The following NEMP2 variants were observed in gnomAD, a reference collection of about 807,000 sequenced individuals.
NEMP2 encodes the protein UPF0571 transmembrane protein.
In NEMP2, 53 loss-of-function variants were observed where a neutral mutation model predicts 54.2. That is an observed-to-expected ratio of 0.98 (90% CI 0.78 to 1.23). The LOEUF (loss-of-function observed/expected upper bound fraction) is 1.23. Among genes scored for constraint, NEMP2 ranks in the 50% most tolerant of loss-of-function variants. The probability of loss-of-function intolerance (pLI) is 0.00; values close to 1 mark genes in which losing one functional copy is unlikely to be tolerated. For missense variants in NEMP2, 455 were observed against 511.3 expected (o/e 0.89, Z 1.06); for synonymous variants, 197 against 190.3 (o/e 1.04, Z -0.29).
the NEMP2 span, among the ~76,000 whole-genome samples, chr2:190,613,842 G>A: frequency 1.2e-4 from 18 of 151,806 alleles, no homozygotes; most frequent in Admixed American, 6.6e-5. Flanking sequence ...TGCCCGCCTC[G>A]GCCTCCTAAA....
At chr2:190,458,650 G>C in the NEMP2 span, among the ~76,000 whole-genome samples, 2 of 152,166 alleles carry the variant, frequency 1.3e-5, no homozygotes, top group Admixed American at 6.5e-5. This position sits in a 1 kb window ranked among gnomAD's most constrained non-coding sequence, Gnocchi z 5.3. Context: ...CGTTTCTAGA[G>C]ATATGGAACT....
the NEMP2 span, among the ~76,000 whole-genome samples, chr2:190,457,531 T>A: frequency 6.6e-6 from 1 of 152,196 alleles, no homozygotes; most frequent in Non-Finnish European, 1.5e-5. The surrounding 1 kb of genome is among the most constrained non-coding windows in gnomAD (Gnocchi z 5.1). Flanking sequence ...TAGCAGTTGC[T>A]GGGATCTACA....
At chr2:190,437,745 C>T in the NEMP2 span, among the ~76,000 whole-genome samples, 1 of 152,218 alleles carries the variant, frequency 6.6e-6, no homozygotes, top group African/African-American at 2.4e-5. The surrounding 1 kb of genome is among the most constrained non-coding windows in gnomAD (Gnocchi z 5.9). Context: ...AGTCATGAAC[C>T]TGGTTGGATT....
At chr2:190,487,760 T>G in the NEMP2 span, among the ~76,000 whole-genome samples, 3 of 152,164 alleles carry the variant, frequency 2.0e-5, no homozygotes, top group Non-Finnish European at 4.4e-5. This position sits in a 1 kb window ranked among gnomAD's most constrained non-coding sequence, Gnocchi z 5.5. Context: ...GGCAAGGAGG[T>G]GGAGAAATTG....
At chr2:190,578,158 A>G in the NEMP2 span, among the ~76,000 whole-genome samples, 1 of 152,330 alleles carries the variant, frequency 6.6e-6, no homozygotes, top group African/African-American at 2.4e-5. This position sits in a 1 kb window ranked among gnomAD's most constrained non-coding sequence, Gnocchi z 4.4. Flanking sequence ...GGATGCTACC[A>G]CAGACAGACA....
the NEMP2 span, among the ~76,000 whole-genome samples, chr2:190,460,790 A>G: frequency 6.6e-6 from 1 of 152,170 alleles, no homozygotes; most frequent in African/African-American, 2.4e-5. Flanking sequence ...GAGTGAGTCC[A>G]TTTGTCATCC....
At chr2:190,567,400 A>G in the NEMP2 span, among the ~76,000 whole-genome samples, 1 of 151,922 alleles carries the variant, frequency 6.6e-6, no homozygotes, top group African/African-American at 2.4e-5. This position sits in a 1 kb window ranked among gnomAD's most constrained non-coding sequence, Gnocchi z 4.0. Context: ...ACTGAAGGCT[A>G]TGTCTAAAAA....
At chr2:190,499,016 C>T in the NEMP2 span, among the ~76,000 whole-genome samples, 2 of 152,118 alleles carry the variant, frequency 1.3e-5, no homozygotes, top group East Asian at 1.9e-4. The surrounding 1 kb of genome is among the most constrained non-coding windows in gnomAD (Gnocchi z 6.0). Context: ...GGCATGGTGG[C>T]GGGTGCCTGT....
At chr2:190,594,040 T>C in the NEMP2 span, among the ~76,000 whole-genome samples, 1 of 152,260 alleles carries the variant, frequency 6.6e-6, no homozygotes, top group Non-Finnish European at 1.5e-5. The surrounding 1 kb of genome is among the most constrained non-coding windows in gnomAD (Gnocchi z 5.6). Context: ...TGCCGTGGCC[T>C]GAAGGCTGCC....
chr2:190,545,905 T>C, the NEMP2 span, among the ~76,000 whole-genome samples: 1 of 152,328 alleles, frequency 6.6e-6, no homozygotes. Flanking sequence ...TTTATACAGA[T>C]CTTTCACTCC....
the NEMP2 span, among the ~76,000 whole-genome samples, chr2:190,471,460 G>C: frequency 6.6e-6 from 1 of 152,224 alleles, no homozygotes; most frequent in East Asian, 1.9e-4. The surrounding 1 kb of genome is among the most constrained non-coding windows in gnomAD (Gnocchi z 4.7). Flanking sequence ...ACCTGGCTTG[G>C]AGGGTCCTAC....
chr2:190,516,159 G>T, intron 6 of NEMP2, 111 bp downstream of exon 6: 1 of 706,004 alleles, frequency 1.4e-6, no homozygotes, highest in Non-Finnish European at 2.3e-6. Flanking sequence ...CCTTTCGTTA[G>T]TTCAAAATGA....
At chr2:190,534,441 G>A (rs979401324) in intron 1 of NEMP2, 118 bp downstream of exon 1, 19 of 1,229,082 alleles carry the variant, frequency 1.5e-5, no homozygotes, top group African/African-American at 3.1e-5. Context: ...AGAAAAGGGA[G>A]CGCCCGCCCC....
At chr2:190,625,672 C>T in the NEMP2 span, 1 of 152,166 alleles carries the variant, frequency 6.6e-6, no homozygotes, top group Non-Finnish European at 1.5e-5. Context: ...AGGCCACCAT[C>T]GTCCCTGGCT....
the NEMP2 span, among the ~76,000 whole-genome samples, chr2:190,647,381 T>C: frequency 6.6e-6 from 1 of 152,166 alleles, no homozygotes; most frequent in African/African-American, 2.4e-5. Context: ...CATCATCCTA[T>C]CCCTTGCTGC....
At chr2:190,549,427 G>A in the NEMP2 span, among the ~76,000 whole-genome samples, 2 of 152,088 alleles carry the variant, frequency 1.3e-5, no homozygotes, top group African/African-American at 4.8e-5. Flanking sequence ...CTACTATTTG[G>A]CTACCCAATG....
At chr2:190,458,765 T>C in the NEMP2 span, among the ~76,000 whole-genome samples, 1 of 152,194 alleles carries the variant, frequency 6.6e-6, no homozygotes, top group South Asian at 2.1e-4. This position sits in a 1 kb window ranked among gnomAD's most constrained non-coding sequence, Gnocchi z 5.3. Context: ...TATTGTCCAA[T>C]TGAGAAGTCC....
At chr2:190,584,547 G>A in the NEMP2 span, among the ~76,000 whole-genome samples, 2 of 152,096 alleles carry the variant, frequency 1.3e-5, no homozygotes, top group Admixed American at 1.3e-4. The surrounding 1 kb of genome is among the most constrained non-coding windows in gnomAD (Gnocchi z 4.2). Context: ...TCATGCCACT[G>A]CTGAGAAAGA....
In NEMP2 at chr2:190,529,067, G is replaced by A. The variant is rs776959360; in HGVS notation, c.98-3689C>T. Among the ~76,000 whole-genome samples, 20 of 152,190 alleles carry A rather than the reference G, an allele frequency of 1.3e-4. No individual in the cohort carries two copies. Among genetic ancestry groups the A allele is most frequent in the Middle Eastern group, 3.4e-3 (1 of 294 alleles). ...TTTTAAAAACATGAATTGGGCCCGG[G>A]TACAATGGCTCATGCCTGTAATTTC... On this transcript the variant is annotated intron_variant, in intron 1 of 8. Transcript: ENST00000409150. The surrounding 1 kb of genome is among the most constrained non-coding windows in gnomAD (Gnocchi z 4.7).
Sources: gnomAD v4.1 joint callset for allele counts (sites outside exome capture counted in the v4.1 genomes callset) on GRCh38, gnomAD v4.1.1 for gene constraint, Gnocchi (gnomAD v3.1) non-coding constraint, MANE v1.5 for transcripts, NCBI Gene and HGNC (gene_info 2026-07-23, HGNC 2026-07-21) for gene names.